Variants in MAP4 observed in about 807,000 individuals in gnomAD.
MAP4 encodes microtubule associated protein 4, also known as microtubule-associated protein 4.
Under a neutral mutation model 170.2 loss-of-function variants are expected in MAP4, and 76 were observed. The ratio of observed to expected loss-of-function variants is 0.45; its 90% CI spans 0.37 to 0.54. MAP4 has a LOEUF of 0.54. MAP4 is among the 20% of genes least tolerant of loss of function. The pLI, the probability that MAP4 is intolerant of heterozygous loss-of-function variation, is 0.00. For synonymous variants in MAP4, 909 were observed against 994.5 expected, an observed-to-expected ratio of 0.91 and a Z score of 1.62; for missense variants, 2,506 against 2,748.0, an observed-to-expected ratio of 0.91 and a Z score of 1.97.
At chr3:47,856,884 C>G (rs2057463665) in intron 18 of MAP4, among the ~76,000 whole-genome samples, 3 of 152,204 alleles carry the variant, frequency 2.0e-5, no homozygotes, top group African/African-American at 7.2e-5. Context: ...AGGGGACTAC[C>G]CAAGGCAAGA....
intron 1 of MAP4, among the ~76,000 whole-genome samples, chr3:48,041,556 C>T (rs1467758063): frequency 6.6e-6 from 1 of 152,128 alleles, no homozygotes; most frequent in African/African-American, 2.4e-5. Flanking sequence ...CCAAACTGAT[C>T]TACAGATTCA....
At chr3:47,941,726 G>A in intron 3 of MAP4, among the ~76,000 whole-genome samples, 1 of 149,410 alleles carries the variant, frequency 6.7e-6, no homozygotes, top group Admixed American at 6.7e-5. Context: ...GGCAGAGGTT[G>A]CAATGAGCTG....
chr3:48,071,159 T>C (rs1429853208), intron 1 of MAP4, among the ~76,000 whole-genome samples: 2 of 152,192 alleles, frequency 1.3e-5, no homozygotes, highest in Non-Finnish European at 2.9e-5. Context: ...GATACTGCCC[T>C]TTAACTGCAA....
At chr3:48,019,897 G>T (rs907720856), upstream of MAP4, among the ~76,000 whole-genome samples, 10 of 151,918 alleles carry the variant, frequency 6.6e-5, no homozygotes, top group African/African-American at 2.4e-4. Context: ...GATAACAAAA[G>T]AAAAACTTCT....
chr3:48,081,212 C>T (rs527957299), intron 1 of MAP4, among the ~76,000 whole-genome samples: 58 of 152,162 alleles, frequency 3.8e-4, no homozygotes, highest in African/African-American at 1.2e-3. Context: ...ATGGTGTGAA[C>T]CCCGGAGGCG....
chr3:48,079,263 A>AG (rs2100145390), intron 1 of MAP4, among the ~76,000 whole-genome samples: 1 of 152,164 alleles, frequency 6.6e-6, no homozygotes, highest in Non-Finnish European at 1.5e-5. Flanking sequence ...GAATATCTGT[A>AG]TACTACAGAT....
At chr3:47,861,348 TC>T (rs999523579) in intron 17 of MAP4, among the ~76,000 whole-genome samples, 4 of 139,394 alleles carry the variant, frequency 2.9e-5, no homozygotes, top group African/African-American at 5.5e-5. Context: ...AAAACGAGAC[TC>T]CGTCTTTTTT....
intron 1 of MAP4, among the ~76,000 whole-genome samples, chr3:48,029,870 C>T (rs887918595): frequency 3.3e-5 from 5 of 151,478 alleles, no homozygotes; most frequent in African/African-American, 9.7e-5. Flanking sequence ...TGGTGGCATG[C>T]ACCTGTAGTC....
intron 18 of MAP4, among the ~76,000 whole-genome samples, chr3:47,857,213 T>C (rs1451293499): frequency 1.3e-5 from 2 of 152,222 alleles, no homozygotes; most frequent in Non-Finnish European, 2.9e-5. Flanking sequence ...AGAATGCCTG[T>C]GCAGATGGCT....
chr3:48,002,267 A>C (rs1237575299), intron 1 of MAP4, among the ~76,000 whole-genome samples: 3 of 151,562 alleles, frequency 2.0e-5, no homozygotes, highest in Non-Finnish European at 4.4e-5. Flanking sequence ...AGAAAAAAAA[A>C]ATCACACTCT....
intron 3 of MAP4, among the ~76,000 whole-genome samples, chr3:47,951,397 C>T (rs1406399735): frequency 6.6e-6 from 1 of 152,082 alleles, no homozygotes; most frequent in Non-Finnish European, 1.5e-5. Context: ...CCTCTGATGC[C>T]GAGCCGAAGC....
intron 3 of MAP4, among the ~76,000 whole-genome samples, chr3:47,958,331 C>T (rs1430241262): frequency 6.6e-6 from 1 of 152,144 alleles, no homozygotes; most frequent in African/African-American, 2.4e-5. Flanking sequence ...AGCTGAGGTT[C>T]GTGCTGAAGG....
At chr3:47,920,190 C>A (rs756742029) in intron 5 of MAP4, among the ~76,000 whole-genome samples, 1 of 151,720 alleles carries the variant, frequency 6.6e-6, no homozygotes, top group Non-Finnish European at 1.5e-5. Context: ...AGGCTGGTCT[C>A]GAACTCCTGA....
At chr3:47,905,854 C>T (rs1254472936) in intron 9 of MAP4, among the ~76,000 whole-genome samples, 2 of 151,862 alleles carry the variant, frequency 1.3e-5, no homozygotes, top group Non-Finnish European at 2.9e-5. Flanking sequence ...ATTAGCTGAG[C>T]GTGGTGGTAG....
intron 1 of MAP4, among the ~76,000 whole-genome samples, chr3:48,050,088 C>G (rs1350771233): frequency 6.6e-6 from 1 of 150,538 alleles, no homozygotes; most frequent in African/African-American, 2.4e-5. Context: ...GGTGAAACCC[C>G]GTCTCTACTA....
chr3:47,951,417 C>T (rs1559571965), intron 3 of MAP4, among the ~76,000 whole-genome samples: 1 of 152,214 alleles, frequency 6.6e-6, no homozygotes, highest in Non-Finnish European at 1.5e-5. Flanking sequence ...CTGGGCTGTA[C>T]TGCTGCCATC....
intron 17 of MAP4, 56 bp from the exon 18 acceptor site, chr3:47,857,568 A>G (rs2058683339): frequency 8.8e-7 from 1 of 1,132,626 alleles, no homozygotes; most frequent in African/African-American, 1.5e-5. Context: ...GTCAGAGCCA[A>G]CCCCATGCTA....
intron 10 of MAP4, among the ~76,000 whole-genome samples, chr3:47,896,506 G>A (rs750986820): frequency 6.6e-5 from 10 of 152,070 alleles, no homozygotes; most frequent in Non-Finnish European, 1.2e-4. Context: ...TCCAGCCTGG[G>A]CAACAAGAGC....
chr3:47,975,577 C>A, intron 3 of MAP4: 1 of 750,984 alleles, frequency 1.3e-6, no homozygotes, highest in Non-Finnish European at 2.4e-6. Context: ...GCTCATAAAC[C>A]AAAGCTATTA....
Sources: allele counts gnomAD v4.1 joint callset (sites outside exome capture counted in the v4.1 genomes callset), GRCh38; gene constraint gnomAD v4.1.1; transcripts MANE v1.5; gene names NCBI Gene and HGNC (gene_info 2026-07-23, HGNC 2026-07-21).